DNAJC5B: variants seen among roughly 807,000 people sequenced by gnomAD.
DNAJC5B encodes DnaJ heat shock protein family (Hsp40) member C5 beta.
A neutral mutation model predicts 24.7 loss-of-function variants in DNAJC5B; 23 were observed. That is an observed-to-expected ratio of 0.93 (90% CI 0.67 to 1.32). The LOEUF (loss-of-function observed/expected upper bound fraction) is 1.32, where lower values mean the gene tolerates loss of function less well. Ranked by LOEUF, DNAJC5B falls within the 40% of genes most tolerant of loss-of-function variation. The pLI is 0.00. For missense variants in DNAJC5B, 238 were observed against 240.8 expected (o/e 0.99, Z 0.08); for synonymous variants, 101 against 90.1 (o/e 1.12, Z -0.68).
chr8:66,064,224 G>A lies in DNAJC5B; in HGVS notation c.120-12436G>A, dbSNP rs74457124. On this transcript the variant is annotated intron_variant, in intron 3 of 5. Coordinates refer to ENST00000276570, the MANE Select transcript of DNAJC5B (RefSeq NM_033105.6). ...AAGAATAAGAAAGTGAGAGCTTGAC[G>A]TAAAGATCAGAGGATAATGCTGTTT... Among the ~76,000 whole-genome samples the A allele has an allele frequency of 6.5e-3, 988 of 152,268 alleles. 10 individuals are homozygous for A. The highest frequency in any genetic ancestry group is 0.023 in the African/African-American group (945 of 41,550).
At chr8:66,063,033 C>T (rs1807119731) in intron 3 of DNAJC5B, among the ~76,000 whole-genome samples, 2 of 152,088 alleles carry the variant, frequency 1.3e-5, no homozygotes, top group Non-Finnish European at 2.9e-5. Context: ...AACAAAAAAT[C>T]AAAGTGAACT....
chr8:66,070,210 G>A (rs1807315432), intron 3 of DNAJC5B, among the ~76,000 whole-genome samples: 1 of 152,054 alleles, frequency 6.6e-6, no homozygotes, highest in Non-Finnish European at 1.5e-5. Context: ...TTCTGGCCAG[G>A]GCAATCAGGC....
At chr8:66,033,541 C>T (rs1294235966) in intron 1 of DNAJC5B, among the ~76,000 whole-genome samples, 1 of 152,178 alleles carries the variant, frequency 6.6e-6, no homozygotes, top group African/African-American at 2.4e-5. Context: ...CTTGGTGGGT[C>T]TCCAGACACG....
chr8:66,056,307 A>G (rs1586086290), intron 3 of DNAJC5B, among the ~76,000 whole-genome samples: 5 of 152,132 alleles, frequency 3.3e-5, no homozygotes, highest in Admixed American at 3.3e-4. Flanking sequence ...AGGGGCACCA[A>G]TTGAAAGCTC....
intron 3 of DNAJC5B, among the ~76,000 whole-genome samples, chr8:66,062,925 T>C (rs953650346): frequency 1.3e-5 from 2 of 151,434 alleles, no homozygotes; most frequent in African/African-American, 4.9e-5. Flanking sequence ...TGGGAGGATC[T>C]CTTGAGCCCA....
intron 3 of DNAJC5B, among the ~76,000 whole-genome samples, chr8:66,060,114 C>T (rs557710756): frequency 1.3e-5 from 2 of 152,328 alleles, no homozygotes; most frequent in Non-Finnish European, 2.9e-5. Context: ...AAAGCTCCTT[C>T]CAGTTTTCCT....
intron 3 of DNAJC5B, chr8:66,056,852 C>T (rs1338941061): frequency 6.6e-6 from 1 of 152,114 alleles, no homozygotes; most frequent in Non-Finnish European, 1.5e-5. Context: ...TTAAAGTAAC[C>T]ATCATAGGCC....
At chr8:66,084,623 C>T (rs1238691785) in intron 5 of DNAJC5B, among the ~76,000 whole-genome samples, 2 of 152,030 alleles carry the variant, frequency 1.3e-5, no homozygotes, top group African/African-American at 4.8e-5. Flanking sequence ...AAGAGATGCC[C>T]ATAAAAATTC....
At chr8:66,033,836 A>G (rs1448980075) in intron 1 of DNAJC5B, among the ~76,000 whole-genome samples, 1 of 145,620 alleles carries the variant, frequency 6.9e-6, no homozygotes, top group Non-Finnish European at 1.5e-5. Flanking sequence ...CTTGAGAGCA[A>G]TTGAATCATA....
rs188291035 is a variant in DNAJC5B, at chr8:66,068,828, A to T, written c.120-7832A>T. ...ATCTAAACATGTGTAAAGCCTTTAT[A>T]GCAACCAGAGGAAAAAATACATATT... On this transcript the variant is annotated intron_variant, in intron 3 of 5. Transcript: ENST00000276570. Among the ~76,000 whole-genome samples the T allele has an allele frequency of 1.3e-3, 202 of 152,270 alleles. 1 individual carries two copies. The highest frequency in any genetic ancestry group is 2.0e-3 in the Admixed American group (30 of 15,280).
chr8:66,018,300 C>T (rs571858702), upstream of DNAJC5B, among the ~76,000 whole-genome samples: 18 of 152,132 alleles, frequency 1.2e-4, no homozygotes, highest in East Asian at 9.7e-4. Context: ...GGGTGGATCA[C>T]GAGGTCAGGA....
upstream of DNAJC5B, among the ~76,000 whole-genome samples, chr8:66,020,995 A>C (rs1414908429): frequency 2.0e-5 from 3 of 152,254 alleles, no homozygotes. Context: ...TCTCAATGAA[A>C]ACATTAGTTG....
At chr8:66,052,819 G>C (rs1238033805) in intron 3 of DNAJC5B, among the ~76,000 whole-genome samples, 1 of 152,194 alleles carries the variant, frequency 6.6e-6, no homozygotes, top group Non-Finnish European at 1.5e-5. Flanking sequence ...CTGTCTCTTG[G>C]CTAGTTGGAG....
intron 1 of DNAJC5B, among the ~76,000 whole-genome samples, chr8:66,036,543 T>C (rs1266718037): frequency 6.6e-6 from 1 of 152,074 alleles, no homozygotes; most frequent in African/African-American, 2.4e-5. Context: ...TCCAGGAGTG[T>C]TTTCCTCGGC....
rs1023092203 is a variant in DNAJC5B, at chr8:66,043,464, TTCTC to T, written c.-141-20_-141-17del. On this transcript the variant is annotated intron_variant, in intron 1 of 5. Coordinates refer to ENST00000276570, the MANE Select transcript of DNAJC5B (RefSeq NM_033105.6). Reference sequence around the variant, plus strand: ...AAGCTTTACGGTCATGCATGTTTCATTCTCTCTTTGTTGTGTTTTCCAGAGGGAT... The same window carrying T: ...AAGCTTTACGGTCATGCATGTTTCATTCTTTGTTGTGTTTTCCAGAGGGAT... 1 of 152,240 alleles carries T rather than the reference TTCTC, an allele frequency of 6.6e-6. No individual in the cohort carries two copies. The highest frequency in any genetic ancestry group is 6.5e-5 in the Admixed American group (1 of 15,284). 9.4% of individuals were successfully genotyped at this position (152,240 alleles called of 1,614,324 possible).
chr8:66,053,936 C>CTTT (rs60244347), intron 3 of DNAJC5B, among the ~76,000 whole-genome samples: 26 of 138,272 alleles, frequency 1.9e-4, no homozygotes, highest in South Asian at 2.3e-4. Context: ...GCCTACTACC[C>CTTT]TTTTTTTTTT....
chr8:66,095,413 C>G (rs1041829471), intron 5 of DNAJC5B, among the ~76,000 whole-genome samples: 2 of 128,396 alleles, frequency 1.6e-5, no homozygotes, highest in Non-Finnish European at 3.2e-5. Context: ...CTCTCTCTCT[C>G]TCTTTTTTTT....
At chr8:66,019,758 C>A (rs1806060647), upstream of DNAJC5B, among the ~76,000 whole-genome samples, 1 of 152,114 alleles carries the variant, frequency 6.6e-6, no homozygotes, top group Non-Finnish European at 1.5e-5. Flanking sequence ...CAGCATAATC[C>A]ATTTTACCAC....
intron 5 of DNAJC5B, among the ~76,000 whole-genome samples, chr8:66,091,530 G>T (rs575367638): frequency 6.6e-6 from 1 of 152,154 alleles, no homozygotes; most frequent in Non-Finnish European, 1.5e-5. Flanking sequence ...TGCATGCCAG[G>T]CAAGGCAGGT....
Sources: allele counts gnomAD v4.1 joint callset (sites outside exome capture counted in the v4.1 genomes callset), GRCh38; gene constraint gnomAD v4.1.1; transcripts MANE v1.5; gene names NCBI Gene and HGNC (gene_info 2026-07-23, HGNC 2026-07-21).